Variants in THSD7B observed in about 807,000 individuals in gnomAD.
The protein encoded by THSD7B is thrombospondin type 1 domain containing 7B, also known as thrombospondin type-1 domain-containing protein 7B.
In THSD7B, 138 loss-of-function variants were observed where a neutral mutation model predicts 213.6. The observed-to-expected ratio is 0.65, with a 90% confidence interval of 0.56 to 0.74. THSD7B has a LOEUF of 0.74. Ranked by LOEUF, THSD7B falls within the 30% of genes least tolerant of loss-of-function variation. The pLI is 0.00. For missense variants in THSD7B, 1,931 were observed against 1,991.5 expected (o/e 0.97, Z 0.58); for synonymous variants, 742 against 687.0 (o/e 1.08, Z -1.25).
chr2:137,128,690 G>A (rs1036062149), intron 5 of THSD7B, among the ~76,000 whole-genome samples: 2 of 152,162 alleles, frequency 1.3e-5, no homozygotes, highest in South Asian at 4.1e-4. Context: ...TAGCACTTTA[G>A]CCAGGCCTCC....
chr2:137,510,937 T>C (rs1679948679), intron 15 of THSD7B, among the ~76,000 whole-genome samples: 1 of 152,208 alleles, frequency 6.6e-6, no homozygotes, highest in Non-Finnish European at 1.5e-5. Flanking sequence ...TACTAACTAC[T>C]ATGCCACATA....
chr2:137,362,097 G>T (rs1485788641), intron 12 of THSD7B, among the ~76,000 whole-genome samples: 2 of 152,108 alleles, frequency 1.3e-5, no homozygotes, highest in East Asian at 1.9e-4. Flanking sequence ...TTAAAGAAAA[G>T]AATTTTCAAC....
intron 12 of THSD7B, among the ~76,000 whole-genome samples, chr2:137,314,872 C>A (rs1042334118): frequency 3.9e-5 from 6 of 152,232 alleles, no homozygotes; most frequent in Non-Finnish European, 7.3e-5. Context: ...GTTCTCAGAT[C>A]TCCAGCTGCG....
At chr2:137,642,416 C>T (rs1682956484) in intron 20 of THSD7B, 72 bp from the exon 21 acceptor site, 1 of 1,564,854 alleles carries the variant, frequency 6.4e-7, no homozygotes, top group Non-Finnish European at 8.7e-7. Flanking sequence ...ATGTATAAGG[C>T]AACATTCTGT....
intron 2 of THSD7B, among the ~76,000 whole-genome samples, chr2:136,955,605 C>T (rs1685110659): frequency 6.6e-6 from 1 of 152,098 alleles, no homozygotes; most frequent in African/African-American, 2.4e-5. Context: ...CATGAGTTTT[C>T]TTATATTTTA....
chr2:137,404,460 T>TACAC (rs1558785749), intron 12 of THSD7B, among the ~76,000 whole-genome samples: 7 of 102,332 alleles, frequency 6.8e-5, no homozygotes, highest in South Asian at 3.5e-4. Context: ...TATATATATA[T>TACAC]ATATATATAT....
At chr2:136,905,172 C>T (rs1035084830) in intron 2 of THSD7B, among the ~76,000 whole-genome samples, 1 of 152,190 alleles carries the variant, frequency 6.6e-6, no homozygotes, top group Admixed American at 6.5e-5. Context: ...AATAATATAT[C>T]GAGCACTCTT....
At chr2:136,800,196 TTAAA>T (rs1394830234) in intron 1 of THSD7B, among the ~76,000 whole-genome samples, 1 of 152,070 alleles carries the variant, frequency 6.6e-6, no homozygotes, top group Non-Finnish European at 1.5e-5. Flanking sequence ...AGGATGTACT[TTAAA>T]TAGTTTTCAA....
intron 7 of THSD7B, among the ~76,000 whole-genome samples, chr2:137,218,861 C>T (rs1036397): frequency 0.6 from 90,630 of 151,630 alleles, 27,498 homozygotes; most frequent in South Asian, 0.71. Context: ...AAACTTTTAA[C>T]GGCTCTCTGT....
intron 13 of THSD7B, 95 bp from the exon 14 acceptor site, chr2:137,411,514 T>A: frequency 8.3e-7 from 1 of 1,205,150 alleles, no homozygotes. Context: ...TTATTTTATT[T>A]AATATTCTAA....
chr2:136,996,533 T>C (rs887665917), intron 2 of THSD7B, among the ~76,000 whole-genome samples: 1 of 151,976 alleles, frequency 6.6e-6, no homozygotes, highest in Non-Finnish European at 1.5e-5. Context: ...TTTGTAGAGA[T>C]GGGGTCTTTC....
chr2:137,238,033 G>C (rs1681807273), intron 9 of THSD7B, among the ~76,000 whole-genome samples: 2 of 152,162 alleles, frequency 1.3e-5, no homozygotes, highest in Admixed American at 1.3e-4. Flanking sequence ...GAAAAAGAGA[G>C]AGAAAGGGCC....
chr2:136,814,559 T>C (rs1019570643), intron 1 of THSD7B, among the ~76,000 whole-genome samples: 1 of 152,004 alleles, frequency 6.6e-6, no homozygotes, highest in African/African-American at 2.4e-5. Flanking sequence ...CCACCACGCC[T>C]GGCTAATTTT....
rs142410467 is a variant in THSD7B, at chr2:137,365,307, A to G, written c.2501-40306A>G. On this transcript the variant is annotated intron_variant, in intron 12 of 27. Coordinates refer to ENST00000409968, the MANE Select transcript of THSD7B (RefSeq NM_001316349.2). ...AAAACCCTAGAAGAAAACCTAGGCA[A>G]TGCCATTTAGGACATAGGCATGGGC... Among the ~76,000 whole-genome samples, 1,460 of 152,304 alleles carry G rather than the reference A, an allele frequency of 9.6e-3. 31 individuals are homozygous for G. Among genetic ancestry groups the G allele is most frequent in the African/African-American group, 0.033 (1,357 of 41,562 alleles).
chr2:137,121,322 A>C (rs1688541955), intron 5 of THSD7B, among the ~76,000 whole-genome samples: 1 of 152,166 alleles, frequency 6.6e-6, no homozygotes, highest in African/African-American at 2.4e-5. Context: ...CACTGAGTAG[A>C]GGTTGCTCTG....
At chr2:137,093,116 G>C (rs1408224698) in intron 3 of THSD7B, among the ~76,000 whole-genome samples, 1 of 152,196 alleles carries the variant, frequency 6.6e-6, no homozygotes, top group Non-Finnish European at 1.5e-5. Flanking sequence ...GGAACAGAAT[G>C]CCAATTAATA....
intron 12 of THSD7B, among the ~76,000 whole-genome samples, chr2:137,375,494 AACT>A (rs1685632842): frequency 6.6e-6 from 1 of 152,204 alleles, no homozygotes; most frequent in Admixed American, 6.5e-5. Flanking sequence ...TCTCGCATGC[AACT>A]TTTCAGGAAT....
intron 2 of THSD7B, among the ~76,000 whole-genome samples, chr2:136,945,381 T>G (rs1038139472): frequency 1.3e-5 from 2 of 152,178 alleles, no homozygotes; most frequent in Admixed American, 6.5e-5. Flanking sequence ...AACCCCACCT[T>G]TCTCTCTGGC....
chr2:137,020,061 T>A (rs1055439306), intron 2 of THSD7B, among the ~76,000 whole-genome samples: 5 of 152,130 alleles, frequency 3.3e-5, no homozygotes, highest in Non-Finnish European at 7.4e-5. Context: ...CCTTGCCCAG[T>A]CACTTGCAGC....
Sources: allele counts gnomAD v4.1 joint callset (sites outside exome capture counted in the v4.1 genomes callset), GRCh38; gene constraint gnomAD v4.1.1; transcripts MANE v1.5; gene names NCBI Gene and HGNC (gene_info 2026-07-23, HGNC 2026-07-21).